Variants in WASF3 observed in about 807,000 individuals in gnomAD.
WASF3 encodes actin-binding protein WASF3.
Under a neutral mutation model 46.6 loss-of-function variants are expected in WASF3, and 11 were observed. That is an observed-to-expected ratio of 0.24 (90% CI 0.15 to 0.39). WASF3 has a LOEUF of 0.39. Among genes scored for constraint, WASF3 ranks in the 10% least tolerant of loss-of-function variants. WASF3 has a pLI of 1.00. For synonymous variants in WASF3, 242 were observed against 259.7 expected, an observed-to-expected ratio of 0.93 and a Z score of 0.65; for missense variants, 576 against 669.8, an observed-to-expected ratio of 0.86 and a Z score of 1.55.
intron 2 of WASF3, among the ~76,000 whole-genome samples, chr13:26,617,960 C>G (rs2137234933): frequency 6.6e-6 from 1 of 152,304 alleles, no homozygotes; most frequent in Middle Eastern, 3.4e-3. Context: ...CTTGCTTCCC[C>G]TTTGCCCTCC....
intron 1 of WASF3, among the ~76,000 whole-genome samples, chr13:26,605,971 A>G (rs1880783196): frequency 6.6e-6 from 1 of 152,196 alleles, no homozygotes; most frequent in Non-Finnish European, 1.5e-5. Flanking sequence ...AGAGGGTGCC[A>G]TGAATTCCTT....
At chr13:26,547,475 T>C in the WASF3 span, among the ~76,000 whole-genome samples, 1 of 151,904 alleles carries the variant, frequency 6.6e-6, no homozygotes, top group African/African-American at 2.4e-5. Context: ...GAATTAGTAG[T>C]GAGCCATACC....
intron 2 of WASF3, among the ~76,000 whole-genome samples, chr13:26,617,594 G>A (rs944583558): frequency 6.6e-6 from 1 of 152,132 alleles, no homozygotes; most frequent in African/African-American, 2.4e-5. Flanking sequence ...TGTGGTGTCT[G>A]TCAAGTTTAC....
At chr13:26,683,440 C>A (rs1436417371) in intron 9 of WASF3, among the ~76,000 whole-genome samples, 1 of 151,164 alleles carries the variant, frequency 6.6e-6, no homozygotes, top group African/African-American at 2.4e-5. Flanking sequence ...CACGCCCCTG[C>A]ACTCCAGCCT....
At position 26,637,540 on chromosome 13, in the gene WASF3, A is replaced by C. The variant is rs568548827; in HGVS notation, c.-10-4721A>C. On this transcript the variant is annotated intron_variant, in intron 2 of 9. Coordinates refer to ENST00000335327, the MANE Select transcript of WASF3 (RefSeq NM_006646.6). Reference sequence around the variant, plus strand: ...GAAGACTGCTTTGTACCCACTAGGAAGGCCCTGTTGCCCTCACATTTAGCT... The same window carrying C: ...GAAGACTGCTTTGTACCCACTAGGACGGCCCTGTTGCCCTCACATTTAGCT... Among the ~76,000 whole-genome samples the C allele has an allele frequency of 1.4e-4, 21 of 152,300 alleles. No homozygotes were observed. In the East Asian group the frequency reaches 3.3e-3, roughly 24 times the overall value.
intron 3 of WASF3, among the ~76,000 whole-genome samples, chr13:26,660,182 G>A (rs1372473498): frequency 2.0e-5 from 1 of 51,082 alleles, no homozygotes; most frequent in African/African-American, 6.9e-5. Context: ...ATTAGCTTTT[G>A]TTTTTTGTTT....
intron 2 of WASF3, among the ~76,000 whole-genome samples, chr13:26,627,550 A>G (rs929443771): frequency 3.9e-5 from 6 of 152,110 alleles, no homozygotes; most frequent in African/African-American, 1.4e-4. Flanking sequence ...ACATTTGAGG[A>G]TACATTGGGG....
chr13:26,602,558 T>G (rs1481600561), intron 1 of WASF3, among the ~76,000 whole-genome samples: 2 of 152,182 alleles, frequency 1.3e-5, no homozygotes, highest in African/African-American at 4.8e-5. Context: ...ACTGCTGTGT[T>G]TGTCAGTTTT....
At chr13:26,601,041 T>G (rs552252864) in intron 1 of WASF3, among the ~76,000 whole-genome samples, 1 of 152,236 alleles carries the variant, frequency 6.6e-6, no homozygotes, top group African/African-American at 2.4e-5. Flanking sequence ...GTTTATATAG[T>G]GTATTTTCAG....
At chr13:26,583,734 G>A (rs576004090) in intron 1 of WASF3, among the ~76,000 whole-genome samples, 40 of 152,002 alleles carry the variant, frequency 2.6e-4, no homozygotes, top group African/African-American at 7.5e-4. Flanking sequence ...TTTTAGCTTC[G>A]ACCATCTTTT....
intron 3 of WASF3, among the ~76,000 whole-genome samples, chr13:26,648,947 A>G (rs1174619471): frequency 6.6e-6 from 1 of 152,178 alleles, no homozygotes; most frequent in Non-Finnish European, 1.5e-5. Context: ...AGAAGTAATT[A>G]TTAGTTAGGT....
At chr13:26,641,286 C>T (rs577616703) in intron 2 of WASF3, 4 of 152,282 alleles carry the variant, frequency 2.6e-5, no homozygotes, top group African/African-American at 9.6e-5. Flanking sequence ...CTGGTGCCTC[C>T]TACTCCTGAG....
intron 1 of WASF3, among the ~76,000 whole-genome samples, chr13:26,608,328 T>C (rs1474290503): frequency 1.3e-5 from 2 of 152,212 alleles, no homozygotes; most frequent in East Asian, 3.8e-4. Flanking sequence ...GTGAATAAAG[T>C]ACTCAAAACT....
At chr13:26,589,603 T>A (rs1880230321) in intron 1 of WASF3, among the ~76,000 whole-genome samples, 1 of 152,218 alleles carries the variant, frequency 6.6e-6, no homozygotes, top group African/African-American at 2.4e-5. Flanking sequence ...TGGTACCATG[T>A]TAATACTTTT....
At chr13:26,648,107 C>G (rs773582854) in intron 3 of WASF3, among the ~76,000 whole-genome samples, 1 of 152,032 alleles carries the variant, frequency 6.6e-6, no homozygotes, top group African/African-American at 2.4e-5. Flanking sequence ...TTACATACAT[C>G]TCTGGTTGTT....
At chr13:26,658,118 T>C (rs573179821) in intron 3 of WASF3, among the ~76,000 whole-genome samples, 2 of 53,056 alleles carry the variant, frequency 3.8e-5, no homozygotes, top group African/African-American at 1.3e-4. Flanking sequence ...CTGTCACTTT[T>C]GCAAGAGGCT....
chr13:26,539,519 T>TA, the WASF3 span, among the ~76,000 whole-genome samples: 1 of 151,876 alleles, frequency 6.6e-6, no homozygotes, highest in African/African-American at 2.4e-5. Flanking sequence ...TTGTGGTAAA[T>TA]AAAAAAATAT....
intron 7 of WASF3, chr13:26,680,327 TACTA>T (rs1883188128): frequency 2.6e-6 from 3 of 1,155,318 alleles, no homozygotes; most frequent in African/African-American, 1.6e-5. Flanking sequence ...GTGACTGTCT[TACTA>T]ACGCCCACGG....
chr13:26,549,909 C>T, the WASF3 span, among the ~76,000 whole-genome samples: 57,623 of 151,924 alleles, frequency 0.38, 11,118 homozygotes, highest in South Asian at 0.47. Context: ...GCCAAAAGCC[C>T]GGGTGGCTTA....
Sources: allele counts gnomAD v4.1 joint callset (sites outside exome capture counted in the v4.1 genomes callset), GRCh38; gene constraint gnomAD v4.1.1; transcripts MANE v1.5; gene names NCBI Gene and HGNC (gene_info 2026-07-23, HGNC 2026-07-21).